Variants in FHIT observed in about 807,000 individuals in gnomAD.
FHIT encodes fragile histidine triad diadenosine triphosphatase.
In FHIT, 19 loss-of-function variants were observed where a neutral mutation model predicts 17.9. That is an observed-to-expected ratio of 1.06 (90% CI 0.74 to 1.56). FHIT has a LOEUF of 1.56. Ranked by LOEUF, FHIT falls within the 40% of genes most tolerant of loss-of-function variation. The probability of loss-of-function intolerance (pLI) is 0.00; values close to 1 mark genes in which losing one functional copy is unlikely to be tolerated. For missense variants in FHIT, 248 were observed against 189.2 expected (o/e 1.31, Z -1.82); for synonymous variants, 81 against 69.7 (o/e 1.16, Z -0.81).
chr3:60,513,254 C>G (rs2035016927), intron 5 of FHIT, among the ~76,000 whole-genome samples: 3 of 152,162 alleles, frequency 2.0e-5, no homozygotes, highest in African/African-American at 7.2e-5. Flanking sequence ...GATCACTGAA[C>G]TGTTCTTTCA....
chr3:59,840,998 C>A (rs931853472), intron 8 of FHIT, among the ~76,000 whole-genome samples: 9 of 152,132 alleles, frequency 5.9e-5, no homozygotes, highest in Admixed American at 5.2e-4. Context: ...ACCCAGGAAC[C>A]AATGGTGCCC....
chr3:60,826,837 T>G (rs968753310), intron 3 of FHIT, among the ~76,000 whole-genome samples: 3 of 152,190 alleles, frequency 2.0e-5, no homozygotes, highest in Non-Finnish European at 2.9e-5. Context: ...GGACATCTTT[T>G]CAACCTTTTT....
chr3:60,754,246 C>T (rs1251866891), intron 4 of FHIT, among the ~76,000 whole-genome samples: 1 of 152,096 alleles, frequency 6.6e-6, no homozygotes, highest in Non-Finnish European at 1.5e-5. Context: ...GCCAGTTAAC[C>T]TGAAAAATGA....
In FHIT at chr3:60,760,967, G is replaced by T. The variant is rs112825561; in HGVS notation, c.-18+60952C>A. 3.6e-3 allele frequency among the ~76,000 whole-genome samples: 551 copies of T among 152,156 alleles called. 4 individuals carry two copies. The highest frequency in any genetic ancestry group is 0.013 in the African/African-American group (530 of 41,482). Reference sequence around the variant, plus strand: ...TTTATTTTAGACTCTTTCTCATTTAGCCTGTTGGGCTCCGAGAATGTGAAA... The same window carrying T: ...TTTATTTTAGACTCTTTCTCATTTATCCTGTTGGGCTCCGAGAATGTGAAA... On this transcript the variant is annotated intron_variant, in intron 4 of 9. Transcript: ENST00000492590.
intron 8 of FHIT, among the ~76,000 whole-genome samples, chr3:59,868,059 A>AC (rs1702739089): frequency 1.3e-5 from 2 of 151,160 alleles, no homozygotes; most frequent in African/African-American, 2.4e-5. Flanking sequence ...AAAAAAAAAA[A>AC]AAAAAAACCT....
At chr3:60,591,649 C>T (rs1553664318) in intron 4 of FHIT, among the ~76,000 whole-genome samples, 1 of 152,068 alleles carries the variant, frequency 6.6e-6, no homozygotes, top group African/African-American at 2.4e-5. Context: ...AAGTTAGTAG[C>T]TCTTCCATAT....
chr3:59,815,820 T>C (rs1451702801), intron 8 of FHIT, among the ~76,000 whole-genome samples: 2 of 151,982 alleles, frequency 1.3e-5, no homozygotes, highest in East Asian at 3.9e-4. Flanking sequence ...CACCAAAATC[T>C]CACAAATCAC....
At chr3:60,717,312 T>C (rs2041706917) in intron 4 of FHIT, among the ~76,000 whole-genome samples, 1 of 152,116 alleles carries the variant, frequency 6.6e-6, no homozygotes, top group Admixed American at 6.5e-5. Context: ...GAGAGTAGCA[T>C]TTAAGATCTA....
At chr3:61,197,921 T>C (rs902048574) in intron 2 of FHIT, among the ~76,000 whole-genome samples, 1 of 152,090 alleles carries the variant, frequency 6.6e-6, no homozygotes. Context: ...AGAGTGACTT[T>C]TCTGTACCAA....
At chr3:60,857,962 T>C (rs782724625) in intron 3 of FHIT, among the ~76,000 whole-genome samples, 6 of 152,162 alleles carry the variant, frequency 3.9e-5, no homozygotes, top group Admixed American at 2.6e-4. Context: ...CACTAGCCTA[T>C]AAGAGCTTAA....
intron 3 of FHIT, among the ~76,000 whole-genome samples, chr3:61,027,886 A>C (rs1180554323): frequency 6.6e-6 from 1 of 152,150 alleles, no homozygotes; most frequent in Non-Finnish European, 1.5e-5. Context: ...ATATCAGTAA[A>C]ATTAATAATA....
At chr3:59,995,037 G>T (rs1254235766) in intron 7 of FHIT, among the ~76,000 whole-genome samples, 1 of 152,042 alleles carries the variant, frequency 6.6e-6, no homozygotes, top group East Asian at 1.9e-4. Context: ...AAGAACCATC[G>T]ATCTCCAACT....
At chr3:60,963,460 GC>G (rs1475730624) in intron 3 of FHIT, among the ~76,000 whole-genome samples, 1 of 152,046 alleles carries the variant, frequency 6.6e-6, no homozygotes, top group Non-Finnish European at 1.5e-5. Flanking sequence ...GTTACTTCTT[GC>G]CTTCTGCTAG....
intron 4 of FHIT, among the ~76,000 whole-genome samples, chr3:60,805,031 AAAG>A (rs1553733526): frequency 6.6e-6 from 1 of 152,220 alleles, no homozygotes; most frequent in Non-Finnish European, 1.5e-5. Flanking sequence ...AATATTTGGT[AAAG>A]AAGTAGATGG....
intron 1 of FHIT, among the ~76,000 whole-genome samples, chr3:61,215,009 A>C (rs1257610664): frequency 6.6e-6 from 1 of 151,496 alleles, no homozygotes; most frequent in African/African-American, 2.4e-5. Context: ...GACATATCTC[A>C]AAATAATAAG....
intron 5 of FHIT, among the ~76,000 whole-genome samples, chr3:60,359,709 CT>C (rs1233157939): frequency 6.6e-6 from 1 of 152,202 alleles, no homozygotes; most frequent in Non-Finnish European, 1.5e-5. Context: ...TGGGCTTTAT[CT>C]TTTTCTGGAT....
At chr3:60,450,925 G>C (rs1343750165) in intron 5 of FHIT, among the ~76,000 whole-genome samples, 1 of 152,028 alleles carries the variant, frequency 6.6e-6, no homozygotes, top group Non-Finnish European at 1.5e-5. Context: ...TTCTCATATG[G>C]GCTATTTAAG....
chr3:61,164,563 C>T (rs1252404888), intron 2 of FHIT, among the ~76,000 whole-genome samples: 4 of 152,148 alleles, frequency 2.6e-5, no homozygotes, highest in African/African-American at 9.7e-5. Flanking sequence ...TTCTCTAAGC[C>T]TGAGTTTACT....
chr3:60,079,396 G>T (rs1703176292), intron 5 of FHIT, among the ~76,000 whole-genome samples: 2 of 152,044 alleles, frequency 1.3e-5, no homozygotes, highest in Admixed American at 6.6e-5. Context: ...ATCGTGGGTG[G>T]GGGCTTCTTG....
Sources: gnomAD v4.1 joint callset for allele counts (sites outside exome capture counted in the v4.1 genomes callset) on GRCh38, gnomAD v4.1.1 for gene constraint, MANE v1.5 for transcripts, NCBI Gene and HGNC (gene_info 2026-07-23, HGNC 2026-07-21) for gene names.